Variants in PXDN observed in about 807,000 individuals in gnomAD.
PXDN encodes peroxidasin.
PXDN carries 77 observed loss-of-function variants against 140.3 expected under a neutral mutation model. The ratio of observed to expected loss-of-function variants is 0.55; its 90% CI spans 0.46 to 0.66. The LOEUF (loss-of-function observed/expected upper bound fraction) is 0.66, where lower values mean the gene tolerates loss of function less well. Ranked by LOEUF, PXDN falls within the 30% of genes least tolerant of loss-of-function variation. The pLI is 0.00. For synonymous variants in PXDN, 911 were observed against 857.4 expected, an observed-to-expected ratio of 1.06 and a Z score of -1.09; for missense variants, 1,838 against 2,039.5, an observed-to-expected ratio of 0.90 and a Z score of 1.90.
At chr2:1,743,734 G>GA (rs1225934254) in intron 1 of PXDN, among the ~76,000 whole-genome samples, 15 of 123,180 alleles carry the variant, frequency 1.2e-4, no homozygotes, top group African/African-American at 4.2e-4. Context: ...GGAGGAAGAG[G>GA]AGCGGAGGAG....
At chr2:1,693,683 T>A (rs1684232902) in intron 1 of PXDN, among the ~76,000 whole-genome samples, 1 of 152,248 alleles carries the variant, frequency 6.6e-6, no homozygotes, top group Non-Finnish European at 1.5e-5. Context: ...TTTACCCTAA[T>A]GGTTCCAAAC....
intron 1 of PXDN, among the ~76,000 whole-genome samples, chr2:1,723,194 GATGA>G (rs1346528197): frequency 2.0e-5 from 3 of 152,136 alleles, no homozygotes; most frequent in African/African-American, 4.8e-5. Flanking sequence ...TGGACAGATG[GATGA>G]ATGAATTAAT....
At chr2:1,711,557 C>G (rs1373894998) in intron 1 of PXDN, among the ~76,000 whole-genome samples, 3 of 128,644 alleles carry the variant, frequency 2.3e-5, no homozygotes, top group Admixed American at 1.5e-4. Context: ...CCACTCTCCA[C>G]CAGCATCCAC....
At chr2:1,668,438 C>CA (rs1460735897) in intron 9 of PXDN, among the ~76,000 whole-genome samples, 1 of 152,008 alleles carries the variant, frequency 6.6e-6, no homozygotes, top group Non-Finnish European at 1.5e-5. Flanking sequence ...CAACAAAAGC[C>CA]AAAAGTGACA....
At chr2:1,667,527 C>A (rs1001943698) in intron 9 of PXDN, among the ~76,000 whole-genome samples, 1 of 152,118 alleles carries the variant, frequency 6.6e-6, no homozygotes, top group Non-Finnish European at 1.5e-5. Flanking sequence ...TGTTTGCAGA[C>A]GACATGATTG....
rs534256210 is a variant in PXDN at position 1,744,180 on chromosome 2, C to T, written c.200+76G>A. ...CCCCTCCACCCTCCGCGCCCCCCAC[C>T]TCCGATCACCCCTGCGCTCCCGGAT... On this transcript the variant is annotated intron_variant, in intron 1 of 22. Transcript: ENST00000252804. The T allele has an allele frequency of 8.0e-4, 1,074 of 1,339,760 alleles. 18 individuals carry two copies. In the South Asian group the frequency reaches 0.014, roughly 18 times the overall value. 83.0% of individuals were successfully genotyped at this position (1,339,760 alleles called of 1,614,324 possible).
chr2:1,733,163 T>G (rs957718816), intron 1 of PXDN, among the ~76,000 whole-genome samples: 2 of 151,902 alleles, frequency 1.3e-5, no homozygotes, highest in Non-Finnish European at 2.9e-5. Context: ...AGAAAACATA[T>G]CTGAAGATGA....
At chr2:1,653,170 G>A (rs1160850868) in intron 16 of PXDN, 4 of 281,830 alleles carry the variant, frequency 1.4e-5, no homozygotes, top group Non-Finnish European at 2.8e-5. Flanking sequence ...CTCCACACCA[G>A]CCCGAGGTGA....
intron 8 of PXDN, among the ~76,000 whole-genome samples, chr2:1,674,462 C>A (rs1242992096): frequency 2.0e-5 from 3 of 152,238 alleles, no homozygotes; most frequent in Non-Finnish European, 4.4e-5. Flanking sequence ...CACGAAGAGG[C>A]CAGGACACAG....
intron 1 of PXDN, among the ~76,000 whole-genome samples, chr2:1,706,265 C>T (rs1684604910): frequency 6.6e-6 from 1 of 152,206 alleles, no homozygotes; most frequent in Admixed American, 6.5e-5. Flanking sequence ...GTCCCACTGG[C>T]AGCCTGGTAT....
At chr2:1,719,961 G>A (rs144112073) in intron 1 of PXDN, among the ~76,000 whole-genome samples, 19 of 61,918 alleles carry the variant, frequency 3.1e-4, no homozygotes, top group Non-Finnish European at 3.2e-4. Flanking sequence ...GCAGAGAGAG[G>A]GAGATGCACA....
chr2:1,697,022 G>T (rs1684314341), intron 1 of PXDN, among the ~76,000 whole-genome samples: 1 of 152,202 alleles, frequency 6.6e-6, no homozygotes, highest in South Asian at 2.1e-4. Context: ...GAGAGCTCAG[G>T]AGGGGTCTGT....
chr2:1,675,764 A>G (rs1468594131), intron 8 of PXDN, among the ~76,000 whole-genome samples: 1 of 151,924 alleles, frequency 6.6e-6, no homozygotes, highest in African/African-American at 2.4e-5. Context: ...GTCTGGAACA[A>G]TGACTCAGTT....
Position 1,666,428 on chromosome 2 carries a change from G to A in PXDN, c.1077C>T (p.Val359=). 1 of 1,613,376 alleles carries A rather than the reference G, an allele frequency of 6.2e-7. No homozygotes were observed. Among genetic ancestry groups the A allele is most frequent in the South Asian group, 1.1e-5 (1 of 90,970 alleles). ...QNTEVLVGES[V]TLECSATGHP... Reference sequence around the variant, plus strand: ...GGCCTGTGGCGCTGCACTCCAGCGTGACGCTCTCCCCAACCAGCACCTCTG... The same window carrying A: ...GGCCTGTGGCGCTGCACTCCAGCGTAACGCTCTCCCCAACCAGCACCTCTG... The change falls in exon 10 of 23, where the codon GTC becomes GTT. Residue 359 remains valine, a synonymous_variant. Coordinates refer to ENST00000252804, the MANE Select transcript of PXDN (RefSeq NM_012293.3).
At chr2:1,663,871 C>A in intron 11 of PXDN, 108 bp from the exon 12 acceptor site, 1 of 1,443,148 alleles carries the variant, frequency 6.9e-7, no homozygotes, top group Non-Finnish European at 9.4e-7. Flanking sequence ...GGTCGGGGCG[C>A]CGGATAATTT....
rs376818039 is a variant in PXDN at position 1,653,641 on chromosome 2, G to A, written c.2091C>T (p.Asp697=). ...TTTGGCACTGACTTGTTCCGTTGAG[G>A]TCGACCATCAAGCCATGCTGTACAT... is the stretch of plus-strand genomic sequence containing the variant. ...QEHVQHGLMV[D]LNGTSYHYND... The change falls in exon 16 of 23, where the codon GAC becomes GAT. Residue 697 remains aspartate (D), a synonymous_variant. Coordinates refer to ENST00000252804, the MANE Select transcript of PXDN (RefSeq NM_012293.3). 1.9e-6 allele frequency: 3 copies of A among 1,612,746 alleles called. No individual in the cohort carries two copies. Among genetic ancestry groups the A allele is most frequent in the African/African-American group, 1.3e-5 (1 of 74,904 alleles).
intron 1 of PXDN, among the ~76,000 whole-genome samples, chr2:1,697,847 C>A (rs1991163): frequency 0.87 from 133,199 of 152,248 alleles, 58,843 homozygotes; most frequent in Middle Eastern, 0.95. Flanking sequence ...CTGCAGGACC[C>A]TTCTCCCAAC....
intron 8 of PXDN, among the ~76,000 whole-genome samples, 183 bp downstream of exon 8, chr2:1,676,744 C>A (rs113323295): frequency 6.6e-6 from 1 of 152,200 alleles, no homozygotes; most frequent in Non-Finnish European, 1.5e-5. Context: ...CTGGCAGAAA[C>A]GTCGTCACAC....
chr2:1,684,105 G>C lies in PXDN; in HGVS notation c.463C>G (p.Gln155Glu), dbSNP rs960982736. 13 of 1,587,694 alleles carry C rather than the reference G, an allele frequency of 8.2e-6. No homozygotes were observed. The highest frequency in any genetic ancestry group is 1.1e-5 in the Non-Finnish European group (13 of 1,166,432). Residue 155 changes from glutamine (Q) to glutamate (E), a missense_variant, in exon 5 of 23, where the codon CAG (glutamine) becomes GAG (glutamate). Transcript: ENST00000252804. ...AGCCTCTCGAGCTTCGGGAGATGCT[G>C]GAACGAATCTGGGTCCAAAGTTTCT... ...QIETLDPDSF[Q>E]HLPKLERLFL...
Sources: allele counts gnomAD v4.1 joint callset (sites outside exome capture counted in the v4.1 genomes callset), GRCh38; gene constraint gnomAD v4.1.1; transcripts MANE v1.5; gene names NCBI Gene and HGNC (gene_info 2026-07-23, HGNC 2026-07-21).